Variants in UBL3 observed in about 807,000 individuals in gnomAD.
The protein encoded by UBL3 is ubiquitin-like protein 3.
In UBL3, 6 loss-of-function variants were observed where a neutral mutation model predicts 18.4. The observed-to-expected ratio is 0.33, with a 90% CI of 0.18 to 0.64. The LOEUF (loss-of-function observed/expected upper bound fraction) is 0.64. Ranked by LOEUF, UBL3 falls within the 30% of genes least tolerant of loss-of-function variation. The probability of loss-of-function intolerance (pLI) is 0.76; values close to 1 mark genes in which losing one functional copy is unlikely to be tolerated. For missense variants in UBL3, 109 were observed against 142.9 expected, an observed-to-expected ratio of 0.76 and a Z score of 1.21; for synonymous variants, 49 against 46.6, an observed-to-expected ratio of 1.05 and a Z score of -0.21.
chr13:29,798,385 A>C (rs1027403264), intron 1 of UBL3, among the ~76,000 whole-genome samples: 5 of 152,120 alleles, frequency 3.3e-5, no homozygotes, highest in African/African-American at 1.2e-4. Context: ...TCCTCCCTAA[A>C]GTATGTCAAT....
intron 2 of UBL3, among the ~76,000 whole-genome samples, chr13:29,773,124 C>T (rs563618247): frequency 2.8e-4 from 43 of 151,914 alleles, no homozygotes; most frequent in African/African-American, 9.7e-4. Context: ...ATGGTTAACA[C>T]AAAAAAATAG....
rs1879347185 is a variant in UBL3 at position 29,850,502 on chromosome 13, T to G, written c.-964A>C. The G allele has an allele frequency of 6.6e-6, 1 of 152,580 alleles. No homozygotes were observed. The highest frequency in any genetic ancestry group is 6.5e-5 in the Admixed American group (1 of 15,284). 9.5% of individuals were successfully genotyped at this position (152,580 alleles called of 1,614,324 possible). ...CGGGAATGGTTTCCTCTCAGAGCTT[T>G]GTTTCTCCTCCTCCTCCTTCACTTT... On this transcript the variant is annotated 5_prime_UTR_variant, in exon 1 of 5. Transcript: ENST00000380680.
At chr13:29,816,918 CTGCT>C (rs1878298320) in intron 1 of UBL3, among the ~76,000 whole-genome samples, 1 of 152,118 alleles carries the variant, frequency 6.6e-6, no homozygotes. Context: ...TAGCAGACTG[CTGCT>C]ATACCTAACT....
chr13:29,789,972 T>C (rs1263043102), intron 1 of UBL3, among the ~76,000 whole-genome samples: 4 of 152,168 alleles, frequency 2.6e-5, no homozygotes, highest in South Asian at 2.1e-4. Context: ...TCACATAAGA[T>C]GGACACTGTA....
chr13:29,802,925 C>T lies in UBL3; in HGVS notation c.28-25662G>A, dbSNP rs147970614. ...AATTTCCCCAACTTCACTAAAGAGG[C>T]CAACATTCAAATTCAGGAAATGCAG... On this transcript the variant is annotated intron_variant, in intron 1 of 4. Transcript: ENST00000380680. 5.5e-4 allele frequency among the ~76,000 whole-genome samples: 84 copies of T among 152,216 alleles called. 1 individual carries two copies. The highest frequency in any genetic ancestry group is 4.3e-3 in the East Asian group (22 of 5,176).
chr13:29,794,045 C>T (rs534113581), intron 1 of UBL3, among the ~76,000 whole-genome samples: 44 of 152,134 alleles, frequency 2.9e-4, no homozygotes, highest in African/African-American at 1.0e-3. Flanking sequence ...AAGGTTTCGC[C>T]ACGTTGGCCA....
At chr13:29,839,678 A>G (rs1465423389) in intron 1 of UBL3, among the ~76,000 whole-genome samples, 1 of 152,190 alleles carries the variant, frequency 6.6e-6, no homozygotes, top group African/African-American at 2.4e-5. Flanking sequence ...CTGTAATCCC[A>G]GCACTTTGGG....
At position 29,803,457 on chromosome 13, in the gene UBL3, G is replaced by A. The variant is rs552587666; in HGVS notation, c.28-26194C>T. 2.4e-4 allele frequency among the ~76,000 whole-genome samples: 37 copies of A among 152,256 alleles called. No individual in the cohort carries two copies. In the South Asian group the frequency reaches 3.5e-3, roughly 14 times the overall value. On this transcript the variant is annotated intron_variant, in intron 1 of 4. Transcript: ENST00000380680. ...CAATATTAACCTTGACTGTAAATGGGTTAAATGCCCCAATTAAAAGGCATA... is the reference window on the plus strand; with the variant it reads ...CAATATTAACCTTGACTGTAAATGGATTAAATGCCCCAATTAAAAGGCATA...
At chr13:29,778,183 T>A (rs926720530) in intron 1 of UBL3, among the ~76,000 whole-genome samples, 1 of 152,134 alleles carries the variant, frequency 6.6e-6, no homozygotes. Context: ...GTAGGACACA[T>A]GGGACAAAGG....
intron 1 of UBL3, among the ~76,000 whole-genome samples, chr13:29,826,312 G>A (rs868803318): frequency 6.6e-6 from 1 of 152,168 alleles, no homozygotes; most frequent in Non-Finnish European, 1.5e-5. Context: ...ATTCGGCTGC[G>A]AATTTGGCTA....
chr13:29,796,886 C>T (rs1877627589), intron 1 of UBL3, among the ~76,000 whole-genome samples: 1 of 152,112 alleles, frequency 6.6e-6, no homozygotes, highest in African/African-American at 2.4e-5. Flanking sequence ...TTAAACTCAG[C>T]TGCTATTCCT....
At position 29,842,211 on chromosome 13, in the gene UBL3, AGCTCACTGCAACCTCT is replaced by A. The variant is rs549809997; in HGVS notation, c.27+7285_27+7300del. The stretch of plus-strand genomic sequence containing the variant: ...GGCTGGAGTGCAGTGGCGCAATCTC[AGCTCACTGCAACCTCT>A]GCTCACTGCAACCTCCACCTCCTGG... On this transcript the variant is annotated intron_variant, in intron 1 of 4. Transcript: ENST00000380680. Among the ~76,000 whole-genome samples, 893 of 144,558 alleles carry A rather than the reference AGCTCACTGCAACCTCT, an allele frequency of 6.2e-3. 5 individuals carry two copies. Among genetic ancestry groups the A allele is most frequent in the Middle Eastern group, 0.011 (3 of 262 alleles). 94.8% of individuals were successfully genotyped at this position (144,558 alleles called of 152,430 possible).
At chr13:29,815,790 T>A (rs950337562) in intron 1 of UBL3, among the ~76,000 whole-genome samples, 2 of 152,188 alleles carry the variant, frequency 1.3e-5, no homozygotes, top group African/African-American at 4.8e-5. Context: ...ATGAAAGATG[T>A]CTGGATAACT....
intron 2 of UBL3, among the ~76,000 whole-genome samples, chr13:29,775,063 T>C (rs887455048): frequency 1.3e-5 from 2 of 152,220 alleles, no homozygotes; most frequent in African/African-American, 4.8e-5. Flanking sequence ...ATGGTGACTC[T>C]ACAGACAACC....
At chr13:29,774,645 A>T (rs1876933137) in intron 2 of UBL3, among the ~76,000 whole-genome samples, 1 of 152,160 alleles carries the variant, frequency 6.6e-6, no homozygotes, top group Admixed American at 6.5e-5. Context: ...AATGTGAAGA[A>T]AGATCCAGTA....
chr13:29,784,839 G>GTA (rs1555232542), intron 1 of UBL3, among the ~76,000 whole-genome samples: 5 of 150,586 alleles, frequency 3.3e-5, no homozygotes, highest in African/African-American at 7.3e-5. Flanking sequence ...ATACACACAT[G>GTA]CACACACACA....
intron 1 of UBL3, among the ~76,000 whole-genome samples, chr13:29,789,182 A>G (rs1483083695): frequency 6.6e-6 from 1 of 152,110 alleles, no homozygotes; most frequent in Non-Finnish European, 1.5e-5. Context: ...TACAGGTGTG[A>G]GCCACCACGC....
intron 1 of UBL3, among the ~76,000 whole-genome samples, chr13:29,813,022 A>G (rs17073919): frequency 0.1 from 15,503 of 152,010 alleles, 964 homozygotes; most frequent in African/African-American, 0.17. Flanking sequence ...TTTTTACCCA[A>G]TTGTGACTAA....
At chr13:29,807,962 T>C (rs1009251787) in intron 1 of UBL3, among the ~76,000 whole-genome samples, 1 of 152,188 alleles carries the variant, frequency 6.6e-6, no homozygotes, top group African/African-American at 2.4e-5. Flanking sequence ...AATAGTCTAT[T>C]TTATAAATTC....
Sources: gnomAD v4.1 joint callset for allele counts (sites outside exome capture counted in the v4.1 genomes callset) on GRCh38, gnomAD v4.1.1 for gene constraint, MANE v1.5 for transcripts, NCBI Gene and HGNC (gene_info 2026-07-23, HGNC 2026-07-21) for gene names.